CDH18: variants seen among roughly 807,000 people sequenced by gnomAD.
The protein encoded by CDH18 is cadherin 18.
In CDH18, 31 loss-of-function variants were observed where a neutral mutation model predicts 67.9. The observed-to-expected ratio is 0.46, with a 90% CI of 0.34 to 0.62. The LOEUF (loss-of-function observed/expected upper bound fraction) is 0.62. Ranked by LOEUF, CDH18 falls within the 20% of genes least tolerant of loss-of-function variation. The pLI is 0.01. For missense variants in CDH18, 890 were observed against 975.5 expected (o/e 0.91, Z 1.17); for synonymous variants, 362 against 347.2 (o/e 1.04, Z -0.48).
Position 19,820,804 on chromosome 5 carries a change from C to G in CDH18, c.228+17955G>C, listed in dbSNP as rs368226592. 2.6e-5 allele frequency among the ~76,000 whole-genome samples: 4 copies of G among 152,218 alleles called. No individual in the cohort carries two copies. In the East Asian group the frequency reaches 5.8e-4, roughly 22 times the overall value. On this transcript the variant is annotated intron_variant, in intron 3 of 12. Transcript: ENST00000382275. ...TCTCTACCTGGATCACCTGTGAAAC[C>G]CAAGGCAGGAAGCCAGCTACAACTA...
At chr5:20,510,063 A>G (rs1754934044) in intron 1 of CDH18, among the ~76,000 whole-genome samples, 1 of 151,914 alleles carries the variant, frequency 6.6e-6, no homozygotes, top group African/African-American at 2.4e-5. Flanking sequence ...GTTATCTTTC[A>G]TCTTTTTGGT....
At chr5:20,384,954 A>G (rs1203063591) in intron 1 of CDH18, among the ~76,000 whole-genome samples, 11 of 151,988 alleles carry the variant, frequency 7.2e-5, no homozygotes, top group Admixed American at 7.2e-4. Flanking sequence ...CTCCTGCCTC[A>G]GTCTCCAGAG....
intron 2 of CDH18, among the ~76,000 whole-genome samples, chr5:19,846,828 C>G (rs1478616542): frequency 6.6e-6 from 1 of 152,070 alleles, no homozygotes; most frequent in African/African-American, 2.4e-5. Flanking sequence ...TAATGAACTC[C>G]CTCAGTATTT....
At chr5:20,463,996 CAA>C (rs1435758097) in intron 1 of CDH18, among the ~76,000 whole-genome samples, 1 of 152,040 alleles carries the variant, frequency 6.6e-6, no homozygotes, top group Non-Finnish European at 1.5e-5. Flanking sequence ...ACCTCTGGAA[CAA>C]AAACCATGCC....
intron 1 of CDH18, among the ~76,000 whole-genome samples, chr5:20,362,295 G>A (rs1157749189): frequency 6.6e-6 from 1 of 152,000 alleles, no homozygotes; most frequent in Non-Finnish European, 1.5e-5. Context: ...ATGGGACTGG[G>A]CTCAATGAAA....
At chr5:20,478,276 G>C (rs879826554) in intron 1 of CDH18, among the ~76,000 whole-genome samples, 4 of 152,096 alleles carry the variant, frequency 2.6e-5, no homozygotes, top group East Asian at 1.9e-4. Flanking sequence ...TGGCCATAGT[G>C]GGGGAGAGCA....
intron 5 of CDH18, among the ~76,000 whole-genome samples, chr5:19,641,565 G>A (rs1002198671): frequency 3.3e-5 from 5 of 151,912 alleles, no homozygotes; most frequent in African/African-American, 1.2e-4. Flanking sequence ...TTAACAAAAT[G>A]AAAAAGAACT....
chr5:20,315,417 G>A (rs1737375021), intron 1 of CDH18, among the ~76,000 whole-genome samples: 1 of 152,090 alleles, frequency 6.6e-6, no homozygotes, highest in East Asian at 1.9e-4. Context: ...AAGAAAAAAA[G>A]TGACATTATT....
At chr5:19,724,205 A>G (rs1023825976) in intron 4 of CDH18, among the ~76,000 whole-genome samples, 1 of 152,228 alleles carries the variant, frequency 6.6e-6, no homozygotes, top group Non-Finnish European at 1.5e-5. Context: ...CTATGGGTAC[A>G]TGCAACAACT....
intron 1 of CDH18, among the ~76,000 whole-genome samples, chr5:20,479,779 A>G (rs1054186720): frequency 1.3e-4 from 20 of 152,274 alleles, no homozygotes; most frequent in African/African-American, 4.6e-4. Context: ...ATCAATATTC[A>G]AGTATAGGAG....
At chr5:19,802,427 T>A (rs2149854115) in intron 3 of CDH18, among the ~76,000 whole-genome samples, 1 of 152,272 alleles carries the variant, frequency 6.6e-6, no homozygotes, top group East Asian at 1.9e-4. Flanking sequence ...AGAAAGGTAG[T>A]GACCTCTAAT....
At chr5:20,442,535 GAGGCTCAA>G in intron 1 of CDH18, among the ~76,000 whole-genome samples, 1 of 152,016 alleles carries the variant, frequency 6.6e-6, no homozygotes, top group East Asian at 1.9e-4. Flanking sequence ...TTGGCCCTGA[GAGGCTCAA>G]TTATGTAGAA....
At chr5:19,562,093 A>G (rs1257153327) in intron 8 of CDH18, among the ~76,000 whole-genome samples, 2 of 152,182 alleles carry the variant, frequency 1.3e-5, no homozygotes, top group Non-Finnish European at 2.9e-5. Flanking sequence ...TTGATGATAC[A>G]CTGAGGATTG....
At chr5:19,871,399 A>G (rs1786270520) in intron 2 of CDH18, among the ~76,000 whole-genome samples, 1 of 151,324 alleles carries the variant, frequency 6.6e-6, no homozygotes, top group South Asian at 2.1e-4. Context: ...ATCTTTTTTT[A>G]TTTCTATAAA....
At chr5:19,929,142 T>C (rs991407110) in intron 2 of CDH18, among the ~76,000 whole-genome samples, 3 of 144,966 alleles carry the variant, frequency 2.1e-5, no homozygotes, top group Non-Finnish European at 4.4e-5. Context: ...ATGTTTTATA[T>C]GATCAATGGA....
At chr5:20,526,913 G>A (rs1487548718) in intron 1 of CDH18, among the ~76,000 whole-genome samples, 1 of 152,042 alleles carries the variant, frequency 6.6e-6, no homozygotes, top group African/African-American at 2.4e-5. Context: ...ACAGAACTGG[G>A]CTGAAGCTGA....
chr5:19,719,903 G>GAGAAAGAAAGAAAGAACGAAAGAA (rs1173106345), intron 5 of CDH18, among the ~76,000 whole-genome samples: 8 of 130,872 alleles, frequency 6.1e-5, no homozygotes, highest in African/African-American at 2.4e-4. Context: ...AGTTAAGCAA[G>GAGAAAGAAAGAAAGAACGAAAGAA]AGAAAGAAAG....
At chr5:20,472,044 T>G (rs1752131222) in intron 1 of CDH18, among the ~76,000 whole-genome samples, 1 of 9,698 alleles carries the variant, frequency 1.0e-4, no homozygotes, top group Non-Finnish European at 2.5e-4. Context: ...GAATATCGTA[T>G]GAACAAACCG....
At chr5:19,823,214 C>T (rs1015777933) in intron 3 of CDH18, among the ~76,000 whole-genome samples, 1 of 152,104 alleles carries the variant, frequency 6.6e-6, no homozygotes, top group African/African-American at 2.4e-5. Flanking sequence ...GCAGTTAACA[C>T]AATCATCACA....
Sources: gnomAD v4.1 joint callset for allele counts (sites outside exome capture counted in the v4.1 genomes callset) on GRCh38, gnomAD v4.1.1 for gene constraint, MANE v1.5 for transcripts, NCBI Gene and HGNC (gene_info 2026-07-23, HGNC 2026-07-21) for gene names.